Variants in THSD7A observed in about 807,000 individuals in gnomAD.
THSD7A encodes thrombospondin type-1 domain-containing protein 7A.
In THSD7A, 96 loss-of-function variants were observed where a neutral mutation model predicts 231.3. The ratio of observed to expected loss-of-function variants is 0.41; its 90% CI spans 0.35 to 0.49. THSD7A has a LOEUF of 0.49. THSD7A is among the 20% of genes least tolerant of loss of function. THSD7A has a pLI of 0.05. For missense variants in THSD7A, 2,290 were observed against 2,070.2 expected (o/e 1.11, Z -2.06); for synonymous variants, 940 against 743.3 (o/e 1.26, Z -4.30).
At chr7:11,658,214 T>C (rs1250302449) in intron 1 of THSD7A, among the ~76,000 whole-genome samples, 1 of 151,856 alleles carries the variant, frequency 6.6e-6, no homozygotes, top group African/African-American at 2.4e-5. Context: ...TGTGTGACTA[T>C]TTCTTTTTAA....
chr7:11,462,229 C>T, intron 9 of THSD7A, 86 bp from the exon 10 acceptor site: 2 of 1,433,698 alleles, frequency 1.4e-6, no homozygotes, highest in African/African-American at 1.4e-5. Flanking sequence ...AATTACATTG[C>T]CTCCAGCTAC....
chr7:11,516,942 C>T (rs571336768), intron 6 of THSD7A, among the ~76,000 whole-genome samples: 6 of 152,078 alleles, frequency 3.9e-5, no homozygotes, highest in Non-Finnish European at 5.9e-5. Flanking sequence ...AGAGCCTTTA[C>T]ATGATGCAAT....
Position 11,642,497 on chromosome 7 carries a change from T to C in THSD7A, c.191-5536A>G, listed in dbSNP as rs187079780. ...AGTATCATACAAAGCACTTCTACAA[T>C]GTGGGTCAATAAACATGTGCAGAAC... On this transcript the variant is annotated intron_variant, in intron 1 of 27. Transcript: ENST00000423059. Among the ~76,000 whole-genome samples, 4 of 152,262 alleles carry C rather than the reference T, an allele frequency of 2.6e-5. No homozygotes were observed. In the East Asian group the frequency reaches 7.7e-4, roughly 29 times the overall value.
Position 11,519,160 on chromosome 7 carries a change from T to TA in THSD7A, c.1822+22258dup, listed in dbSNP as rs199565988. Reference sequence around the variant, plus strand: ...GTAAAAGTTATAGACAGTAATGTTCTAAAAAAATGTACCATTCAGTTATTA... The same window carrying TA: ...GTAAAAGTTATAGACAGTAATGTTCTAAAAAAAATGTACCATTCAGTTATTA... On this transcript the variant is annotated intron_variant, in intron 6 of 27. Transcript: ENST00000423059. 4.7e-5 allele frequency among the ~76,000 whole-genome samples: 7 copies of TA among 147,806 alleles called. No homozygotes were observed. The East Asian group carries it at 9.8e-4, about 21-fold the overall frequency.
At chr7:11,379,595 A>T (rs187666717) in intron 25 of THSD7A, 35 bp downstream of exon 25, 2 of 1,532,304 alleles carry the variant, frequency 1.3e-6, no homozygotes, top group East Asian at 2.4e-5. Flanking sequence ...CACATGATGG[A>T]GCTGGCTTGT....
rs1784982741 is a variant in THSD7A, at chr7:11,446,700, T to A, written c.2801-376A>T. 6.6e-6 allele frequency among the ~76,000 whole-genome samples: 1 copy of A among 152,144 alleles called. No homozygotes were observed. Among genetic ancestry groups the A allele is most frequent in the African/African-American group, 2.4e-5 (1 of 41,438 alleles). On this transcript the variant is annotated intron_variant, in intron 12 of 27. Transcript: ENST00000423059. The surrounding 1 kb of genome is among the most constrained non-coding windows in gnomAD (Gnocchi z 4.0). The stretch of plus-strand genomic sequence containing the variant: ...CTGAGTACTCTACTAGCACCAATAT[T>A]TTTAGGTTGCTTTTGCCATTGGCAA...
At chr7:11,706,083 T>A (rs1032218974) in intron 1 of THSD7A, among the ~76,000 whole-genome samples, 24 of 151,050 alleles carry the variant, frequency 1.6e-4, no homozygotes, top group African/African-American at 5.8e-4. Context: ...AGAATTACAA[T>A]AATTTTACAC....
chr7:11,670,361 T>C (rs1783333600), intron 1 of THSD7A, among the ~76,000 whole-genome samples: 2 of 152,218 alleles, frequency 1.3e-5, no homozygotes, highest in South Asian at 4.1e-4. Flanking sequence ...TTTAAGGGCC[T>C]GAGGCTGTGT....
intron 1 of THSD7A, among the ~76,000 whole-genome samples, chr7:11,773,074 G>A (rs1024821596): frequency 1.3e-5 from 2 of 152,072 alleles, no homozygotes; most frequent in African/African-American, 4.8e-5. Flanking sequence ...GTGTACCTAA[G>A]AATTTGGTAT....
chr7:11,798,782 G>C (rs1784197812), intron 1 of THSD7A, among the ~76,000 whole-genome samples: 1 of 152,060 alleles, frequency 6.6e-6, no homozygotes, highest in South Asian at 2.1e-4. Flanking sequence ...AGATATATTA[G>C]ATACATTCAT....
At chr7:11,422,016 G>T (rs531203577) in intron 16 of THSD7A, among the ~76,000 whole-genome samples, 10 of 152,020 alleles carry the variant, frequency 6.6e-5, no homozygotes, top group Non-Finnish European at 1.2e-4. Context: ...CCTTTCTAAG[G>T]AGCAAGAATT....
Position 11,377,730 on chromosome 7 carries a change from C to T in THSD7A, c.4802-1073G>A, listed in dbSNP as rs1183312103. On this transcript the variant is annotated intron_variant, in intron 26 of 27. Coordinates refer to ENST00000423059, the MANE Select transcript of THSD7A (RefSeq NM_015204.3). This position sits in a 1 kb window ranked among gnomAD's most constrained non-coding sequence, Gnocchi z 4.5. ...TGAGGATCTCTGTTGAGAGTTTCTT[C>T]AACAAATGTTTTTTGGGGTTTTTCA... The T allele has an allele frequency of 1.3e-5, 2 of 152,018 alleles. No homozygotes were observed. The highest frequency in any genetic ancestry group is 1.3e-4 in the Admixed American group (2 of 15,230). The allele number at this position is 152,018 out of a possible 1,614,324, so 9.4% of individuals were successfully genotyped here.
intron 5 of THSD7A, among the ~76,000 whole-genome samples, chr7:11,542,231 C>A (rs939356744): frequency 6.6e-6 from 1 of 152,194 alleles, no homozygotes; most frequent in African/African-American, 2.4e-5. Context: ...CAAAGTCCTG[C>A]TTTGTGCTTT....
chr7:11,739,467 G>T (rs185025715), intron 1 of THSD7A, among the ~76,000 whole-genome samples: 41 of 152,118 alleles, frequency 2.7e-4, no homozygotes, highest in African/African-American at 9.9e-4. Context: ...GATGAAGAAA[G>T]TGGAAATGGA....
intron 4 of THSD7A, among the ~76,000 whole-genome samples, chr7:11,558,873 C>G (rs767533759): frequency 5.3e-5 from 8 of 152,140 alleles, no homozygotes; most frequent in Non-Finnish European, 1.2e-4. Flanking sequence ...AGGTTTAAAA[C>G]TTGAGATGGG....
intron 6 of THSD7A, among the ~76,000 whole-genome samples, chr7:11,523,472 G>C (rs1049062848): frequency 2.0e-5 from 3 of 152,018 alleles, no homozygotes; most frequent in African/African-American, 7.2e-5. Context: ...TCTGGATGGA[G>C]AGATTATGTG....
At chr7:11,389,045 A>C (rs2115322859) in intron 23 of THSD7A, among the ~76,000 whole-genome samples, 1 of 152,252 alleles carries the variant, frequency 6.6e-6, no homozygotes, top group Middle Eastern at 3.4e-3. Context: ...TATTAGAATA[A>C]GTGTGATGTG....
intron 1 of THSD7A, among the ~76,000 whole-genome samples, chr7:11,741,249 G>A (rs886836774): frequency 6.6e-6 from 1 of 151,842 alleles, no homozygotes; most frequent in Non-Finnish European, 1.5e-5. Flanking sequence ...TTTGCTTTGT[G>A]GTTTTGACTC....
At chr7:11,784,017 T>TA (rs1321742951) in intron 1 of THSD7A, among the ~76,000 whole-genome samples, 1 of 152,056 alleles carries the variant, frequency 6.6e-6, no homozygotes, top group East Asian at 1.9e-4. Flanking sequence ...AAAAAGTTTT[T>TA]AAAAATTCCT....
Sources: gnomAD v4.1 joint callset for allele counts (sites outside exome capture counted in the v4.1 genomes callset) on GRCh38, gnomAD v4.1.1 for gene constraint, Gnocchi (gnomAD v3.1) non-coding constraint, MANE v1.5 for transcripts, NCBI Gene and HGNC (gene_info 2026-07-23, HGNC 2026-07-21) for gene names.